Variants in FSTL5 observed in about 807,000 individuals in gnomAD.
FSTL5 encodes follistatin like 5.
In FSTL5, 62 loss-of-function variants were observed where a neutral mutation model predicts 89.1. The ratio of observed to expected loss-of-function variants is 0.70; its 90% confidence interval spans 0.57 to 0.86. The LOEUF (loss-of-function observed/expected upper bound fraction) is 0.86. Among genes scored for constraint, FSTL5 ranks in the 40% least tolerant of loss-of-function variants. The pLI is 0.00. For synonymous variants in FSTL5, 383 were observed against 346.2 expected, an observed-to-expected ratio of 1.11 and a Z score of -1.18; for missense variants, 1,057 against 1,001.6, an observed-to-expected ratio of 1.06 and a Z score of -0.75.
In FSTL5 at chr4:161,386,177, T is replaced by C. The variant is rs1445115464; in HGVS notation, c.2114A>G (p.Tyr705Cys). Reference protein sequence around the residue: ...GTPYVSPDGHYLVSINDVKGL... With the variant: ...GTPYVSPDGHCLVSINDVKGL... ...TTTCACATCATTAATGCTGACAAGGTAGTGGCCATCTGGAGAGACATATGG... is the reference window on the plus strand; with the variant it reads ...TTTCACATCATTAATGCTGACAAGGCAGTGGCCATCTGGAGAGACATATGG... The change falls in exon 16 of 16, where the codon TAC (tyrosine) becomes TGC (cysteine). Residue 705 changes from tyrosine to cysteine, a missense_variant. Transcript: ENST00000306100. The C allele has an allele frequency of 3.1e-6, 5 of 1,613,858 alleles. No individual in the cohort carries two copies. The African/African-American group carries it at 5.3e-5, about 17-fold the overall frequency.
At chr4:161,994,516 CTTT>C (rs1170814659) in intron 3 of FSTL5, among the ~76,000 whole-genome samples, 97 of 152,242 alleles carry the variant, frequency 6.4e-4, no homozygotes, top group Non-Finnish European at 8.7e-4. Flanking sequence ...TAAGTGTTCC[CTTT>C]TCTCCACATC....
chr4:161,521,666 G>A (rs988522250), intron 10 of FSTL5, among the ~76,000 whole-genome samples: 6 of 151,746 alleles, frequency 4.0e-5, no homozygotes, highest in Admixed American at 3.9e-4. Flanking sequence ...GGCTAACACG[G>A]TGAAACCCCG....
intron 2 of FSTL5, among the ~76,000 whole-genome samples, chr4:162,090,548 C>A (rs772509015): frequency 1.3e-5 from 2 of 152,042 alleles, no homozygotes; most frequent in Non-Finnish European, 2.9e-5. Flanking sequence ...AGGCCGGGTG[C>A]GGTGACTCAT....
chr4:162,093,347 A>T (rs564511053), intron 2 of FSTL5, among the ~76,000 whole-genome samples: 61 of 152,330 alleles, frequency 4.0e-4, no homozygotes, highest in African/African-American at 1.4e-3. Flanking sequence ...AGTAGATAAC[A>T]GGTCAAATGT....
chr4:161,621,292 ACACACACAC>A (rs1735113067), intron 7 of FSTL5, among the ~76,000 whole-genome samples: 2 of 151,914 alleles, frequency 1.3e-5, no homozygotes, highest in African/African-American at 4.8e-5. Context: ...ACACACACAC[ACACACACAC>A]ACACAAACAC....
chr4:162,129,303 T>C (rs1380334988), intron 1 of FSTL5, among the ~76,000 whole-genome samples: 1 of 152,020 alleles, frequency 6.6e-6, no homozygotes, highest in Non-Finnish European at 1.5e-5. Flanking sequence ...TAAAGTGTAA[T>C]CCTTCAAATA....
chr4:161,776,260 TTATCTC>T (rs1261984444), intron 4 of FSTL5, among the ~76,000 whole-genome samples, 186 bp from the exon 5 acceptor site: 1 of 152,108 alleles, frequency 6.6e-6, no homozygotes, highest in Non-Finnish European at 1.5e-5. Flanking sequence ...TAGAAAACTT[TTATCTC>T]TATCAAATCT....
At chr4:161,794,852 C>T (rs1729586621) in intron 4 of FSTL5, among the ~76,000 whole-genome samples, 1 of 152,092 alleles carries the variant, frequency 6.6e-6, no homozygotes, top group South Asian at 2.1e-4. Context: ...AAAACCATTA[C>T]ACCTTTCTCT....
chr4:161,600,637 A>G (rs892601901), intron 7 of FSTL5, among the ~76,000 whole-genome samples: 33 of 151,732 alleles, frequency 2.2e-4, no homozygotes, highest in African/African-American at 5.6e-4. Flanking sequence ...TTAAAAATTA[A>G]GGCAAAAAAA....
chr4:161,856,561 C>T (rs921821322), intron 4 of FSTL5, among the ~76,000 whole-genome samples: 1 of 151,530 alleles, frequency 6.6e-6, no homozygotes, highest in African/African-American at 2.4e-5. Flanking sequence ...TGAAAAAAGC[C>T]AAATGCCTGT....
intron 4 of FSTL5, among the ~76,000 whole-genome samples, chr4:161,882,133 TCTAATATA>T (rs1732653790): frequency 6.6e-6 from 1 of 152,102 alleles, no homozygotes; most frequent in African/African-American, 2.4e-5. Context: ...TAATACTCAA[TCTAATATA>T]TTAAAGCCCT....
chr4:161,725,767 A>G (rs1324309031), intron 6 of FSTL5, among the ~76,000 whole-genome samples: 1 of 152,188 alleles, frequency 6.6e-6, no homozygotes, highest in Non-Finnish European at 1.5e-5. Context: ...TGCACTAGGC[A>G]ATGGCCTAAA....
At chr4:161,913,340 G>C (rs1362404286) in intron 4 of FSTL5, among the ~76,000 whole-genome samples, 1 of 152,074 alleles carries the variant, frequency 6.6e-6, no homozygotes, top group African/African-American at 2.4e-5. Flanking sequence ...TGGGTCCAGG[G>C]TCACTGTGTT....
At chr4:161,487,957 TTATCTC>T (rs1000410091) in intron 12 of FSTL5, among the ~76,000 whole-genome samples, 5 of 152,074 alleles carry the variant, frequency 3.3e-5, no homozygotes, top group Non-Finnish European at 7.4e-5. Context: ...GTAGAAATAT[TTATCTC>T]TATACACACA....
intron 4 of FSTL5, among the ~76,000 whole-genome samples, chr4:161,821,787 GTA>G (rs570277030): frequency 6.6e-6 from 1 of 151,428 alleles, no homozygotes; most frequent in South Asian, 2.1e-4. Flanking sequence ...TGGTGTGTGT[GTA>G]TATATATATA....
At chr4:161,714,744 G>T (rs1388425158) in intron 6 of FSTL5, among the ~76,000 whole-genome samples, 1 of 152,014 alleles carries the variant, frequency 6.6e-6, no homozygotes, top group Non-Finnish European at 1.5e-5. Flanking sequence ...CATTGTTTTT[G>T]CTCAGAAAGA....
intron 4 of FSTL5, among the ~76,000 whole-genome samples, chr4:161,918,653 T>A (rs975631406): frequency 1.3e-5 from 2 of 151,914 alleles, no homozygotes; most frequent in Non-Finnish European, 2.9e-5. Context: ...ATTTATTTAT[T>A]TATTTTTTTG....
chr4:161,394,065 T>C (rs1730919574), intron 15 of FSTL5, among the ~76,000 whole-genome samples: 1 of 152,140 alleles, frequency 6.6e-6, no homozygotes, highest in Non-Finnish European at 1.5e-5. Context: ...TAGAGCTACA[T>C]GGAGTGAGGA....
At chr4:162,032,698 A>T (rs1270061383) in intron 3 of FSTL5, 1 of 152,344 alleles carries the variant, frequency 6.6e-6, no homozygotes, top group East Asian at 1.9e-4. Context: ...AGATTGTATC[A>T]ACAATCTAGA....
Sources: gnomAD v4.1 joint callset for allele counts (sites outside exome capture counted in the v4.1 genomes callset) on GRCh38, gnomAD v4.1.1 for gene constraint, MANE v1.5 for transcripts, NCBI Gene and HGNC (gene_info 2026-07-23, HGNC 2026-07-21) for gene names.